Variants in LRBA observed in about 807,000 individuals in gnomAD.
LRBA encodes LPS responsive beige-like anchor protein.
Under a neutral mutation model 330.0 loss-of-function variants are expected in LRBA, and 176 were observed. The observed-to-expected ratio is 0.53, with a 90% CI of 0.47 to 0.60. The LOEUF is 0.60. Among genes scored for constraint, LRBA ranks in the 20% least tolerant of loss-of-function variants. The pLI, the probability that LRBA is intolerant of heterozygous loss-of-function variation, is 0.00. For missense variants in LRBA, 3,259 were observed against 3,444.8 expected (o/e 0.95, Z 1.35); for synonymous variants, 1,230 against 1,193.0 (o/e 1.03, Z -0.64).
intron 46 of LRBA, among the ~76,000 whole-genome samples, chr4:150,424,277 C>T (rs1749244231): frequency 6.6e-6 from 1 of 152,118 alleles, no homozygotes; most frequent in South Asian, 2.1e-4. Context: ...TTGAAAATTG[C>T]AACTTTATGT....
intron 56 of LRBA, among the ~76,000 whole-genome samples, chr4:150,273,813 G>A (rs1746432316): frequency 6.6e-6 from 1 of 152,100 alleles, no homozygotes; most frequent in Non-Finnish European, 1.5e-5. Context: ...CATAAAGCAA[G>A]TTCTTAGAGA....
chr4:150,663,018 G>A (rs779989187), intron 37 of LRBA, among the ~76,000 whole-genome samples: 14 of 151,716 alleles, frequency 9.2e-5, no homozygotes, highest in Non-Finnish European at 2.1e-4. Context: ...AGATAAAAGG[G>A]GTTAGATCAG....
intron 47 of LRBA, among the ~76,000 whole-genome samples, chr4:150,402,000 A>G (rs140385847): frequency 5.3e-4 from 80 of 152,210 alleles, no homozygotes; most frequent in African/African-American, 1.8e-3. Context: ...AGAAAAGTGT[A>G]TAAGAATTCT....
chr4:150,950,711 G>A (rs990894086), intron 2 of LRBA, among the ~76,000 whole-genome samples: 1 of 152,130 alleles, frequency 6.6e-6, no homozygotes, highest in Non-Finnish European at 1.5e-5. Context: ...AATGTTCACT[G>A]TAATAGACAA....
intron 17 of LRBA, among the ~76,000 whole-genome samples, chr4:150,876,173 A>G (rs76332962): frequency 0.027 from 4,068 of 152,260 alleles, 80 homozygotes; most frequent in Non-Finnish European, 0.041. Context: ...CTGAACAAAA[A>G]TTTTCAAAAA....
intron 36 of LRBA, among the ~76,000 whole-genome samples, chr4:150,690,924 G>A (rs1027412242): frequency 4.1e-4 from 51 of 125,382 alleles, no homozygotes; most frequent in African/African-American, 1.5e-3. Flanking sequence ...TAAAACACCT[G>A]GTCTTTTTTT....
chr4:150,760,656 A>G (rs768407070), intron 35 of LRBA, among the ~76,000 whole-genome samples: 44 of 152,074 alleles, frequency 2.9e-4, no homozygotes, highest in Admixed American at 1.3e-4. Flanking sequence ...TTTCACACAA[A>G]TGTCCTCCAA....
At chr4:150,701,540 G>C (rs1019892275) in intron 36 of LRBA, among the ~76,000 whole-genome samples, 2 of 152,218 alleles carry the variant, frequency 1.3e-5, no homozygotes, top group East Asian at 3.9e-4. Context: ...GAGTTTTTCA[G>C]CTCCATTAAA....
At chr4:150,489,287 A>AATATATAATATATTACATATAT (rs1561250553) in intron 41 of LRBA, among the ~76,000 whole-genome samples, 1 of 57,164 alleles carries the variant, frequency 1.7e-5, no homozygotes, top group Non-Finnish European at 2.9e-5. Flanking sequence ...ATTATATATA[A>AATATATAATATATTACATATAT]GAATATATAA....
intron 37 of LRBA, among the ~76,000 whole-genome samples, chr4:150,650,129 C>T (rs1779572551): frequency 6.6e-6 from 1 of 152,132 alleles, no homozygotes; most frequent in African/African-American, 2.4e-5. Flanking sequence ...GTGACTCGTT[C>T]AAAGTTGCAA....
intron 9 of LRBA, among the ~76,000 whole-genome samples, chr4:150,913,721 A>G (rs1732266113): frequency 6.6e-6 from 1 of 152,146 alleles, no homozygotes; most frequent in Non-Finnish European, 1.5e-5. Flanking sequence ...TGTTAAGTAC[A>G]TATATTTGTT....
chr4:150,290,545 A>C lies in LRBA; in HGVS notation c.8018-4511T>G, dbSNP rs1376364021. Among the ~76,000 whole-genome samples, 4 of 152,326 alleles carry C rather than the reference A, an allele frequency of 2.6e-5. No homozygotes were observed. The East Asian group carries it at 7.7e-4, about 29-fold the overall frequency. ...AAAAATTTATCTTGCTGCTAGTTTAAGGGACTACATTTCAAACTCTTCTTA... is the reference window on the plus strand; with the variant it reads ...AAAAATTTATCTTGCTGCTAGTTTACGGGACTACATTTCAAACTCTTCTTA... On this transcript the variant is annotated intron_variant, in intron 53 of 56. Coordinates refer to ENST00000651943, the MANE Select transcript of LRBA (RefSeq NM_001364905.1).
chr4:150,924,356 T>C (rs981082876), intron 4 of LRBA, among the ~76,000 whole-genome samples: 1 of 151,706 alleles, frequency 6.6e-6, no homozygotes, highest in African/African-American at 2.4e-5. Flanking sequence ...TAGAAAACAA[T>C]ACAAAAATTA....
intron 5 of LRBA, among the ~76,000 whole-genome samples, chr4:150,917,562 G>A (rs910044778): frequency 2.6e-5 from 4 of 152,026 alleles, no homozygotes; most frequent in Admixed American, 1.3e-4. Context: ...TGGCTTTACC[G>A]CTTGGTTTAG....
intron 33 of LRBA, among the ~76,000 whole-genome samples, chr4:150,799,330 G>A (rs1170315102): frequency 6.6e-6 from 1 of 152,184 alleles, no homozygotes; most frequent in Non-Finnish European, 1.5e-5. Flanking sequence ...TGTGATTTCT[G>A]TAGGGCGAAG....
intron 53 of LRBA, among the ~76,000 whole-genome samples, chr4:150,298,835 C>G (rs1426344200): frequency 6.6e-6 from 1 of 152,010 alleles, no homozygotes; most frequent in East Asian, 1.9e-4. Flanking sequence ...ACTACACACA[C>G]AAATCTGTGC....
At position 150,599,074 on chromosome 4, in the gene LRBA, T is replaced by A; in HGVS notation, c.5979A>T (p.Arg1993=). The A allele has an allele frequency of 6.2e-7, 1 of 1,614,048 alleles. No individual in the cohort carries two copies. The highest frequency in any genetic ancestry group is 1.7e-5 in the Admixed American group (1 of 60,006). Residue 1993 remains arginine (R), a synonymous_variant, in exon 38 of 57, where the codon CGA becomes CGT. Coordinates refer to ENST00000651943, the MANE Select transcript of LRBA (RefSeq NM_001364905.1). The stretch of plus-strand genomic sequence containing the variant: ...ATCCTAGAGGGTTACGCACAAATCG[T>A]CGCCGGCGCCGCAAGTCATCTTCCC... ...DYWEDDLRRR[R]RFVRNPLGST...
intron 46 of LRBA, chr4:150,423,588 C>CCA (rs1749124880): frequency 2.9e-6 from 1 of 345,460 alleles, no homozygotes; most frequent in Non-Finnish European, 5.5e-6. Context: ...ACCTGCTTGC[C>CCA]CACAAAAGGA....
intron 41 of LRBA, 122 bp from the exon 42 acceptor site, chr4:150,487,956 T>G (rs1229995141): frequency 1.5e-5 from 7 of 459,598 alleles, no homozygotes; most frequent in Non-Finnish European, 2.8e-5. Flanking sequence ...ATTCTTACTA[T>G]ATTCCTTTTA....
Sources: allele counts gnomAD v4.1 joint callset (sites outside exome capture counted in the v4.1 genomes callset), GRCh38; gene constraint gnomAD v4.1.1; transcripts MANE v1.5; gene names NCBI Gene and HGNC (gene_info 2026-07-23, HGNC 2026-07-21).